The following LNX1 variants were observed in gnomAD, a reference collection of about 807,000 sequenced individuals.
The protein encoded by LNX1 is ligand of numb-protein X 1, also known as E3 ubiquitin-protein ligase LNX.
Under a neutral mutation model 68.4 loss-of-function variants are expected in LNX1, and 54 were observed. The observed-to-expected ratio is 0.79, with a 90% CI of 0.63 to 0.99. The LOEUF is 0.99. LNX1 is among the 50% of genes least tolerant of loss of function. LNX1 has a pLI of 0.00. For synonymous variants in LNX1, 336 were observed against 350.0 expected, an observed-to-expected ratio of 0.96 and a Z score of 0.45; for missense variants, 906 against 926.4, an observed-to-expected ratio of 0.98 and a Z score of 0.29.
chr4:53,490,042 T>C (rs1210503249), intron 6 of LNX1, among the ~76,000 whole-genome samples: 1 of 152,124 alleles, frequency 6.6e-6, no homozygotes, highest in East Asian at 1.9e-4. Flanking sequence ...TGTGGCTCTG[T>C]CTGAAGGTCT....
intron 1 of LNX1, chr4:53,575,443 T>C (rs1389769407): frequency 1.1e-6 from 1 of 917,544 alleles, no homozygotes; most frequent in Non-Finnish European, 1.3e-6. Context: ...AACTCTGAGC[T>C]AGGTCATGAG....
At chr4:53,553,867 C>T (rs1179804062) in intron 2 of LNX1, among the ~76,000 whole-genome samples, 1 of 152,090 alleles carries the variant, frequency 6.6e-6, no homozygotes, top group Non-Finnish European at 1.5e-5. Flanking sequence ...AAGGAAAGGC[C>T]CTGGTATAAA....
intron 2 of LNX1, among the ~76,000 whole-genome samples, chr4:53,568,374 A>C (rs1183854244): frequency 6.6e-6 from 1 of 152,000 alleles, no homozygotes; most frequent in Non-Finnish European, 1.5e-5. Flanking sequence ...TCCAGCATAT[A>C]AACAGAGCCA....
intron 2 of LNX1, chr4:53,603,014 T>C (rs1489444108): frequency 6.6e-6 from 1 of 152,236 alleles, no homozygotes; most frequent in East Asian, 1.9e-4. Flanking sequence ...ATGACCTTTC[T>C]GGGCCTCAGT....
chr4:53,591,360 G>C lies in LNX1; in HGVS notation c.-87+28C>G. 2.0e-6 allele frequency: 2 copies of C among 984,292 alleles called. 1 individual carries two copies. The highest frequency in any genetic ancestry group is 9.4e-5 in the South Asian group (2 of 21,266). 61.0% of individuals were successfully genotyped at this position (984,292 alleles called of 1,614,324 possible). A position where few individuals can be genotyped will look rare whatever the true frequency, so the allele number is the denominator to read the frequency against. Reference sequence around the variant, plus strand: ...CAGGGGCCAGTGGTCTAAATGCCAAGAGAGAAAAATGGAGGGTTTCAACTC... The same window carrying C: ...CAGGGGCCAGTGGTCTAAATGCCAACAGAGAAAAATGGAGGGTTTCAACTC... On this transcript the variant is annotated intron_variant, in intron 1 of 10. Transcript: ENST00000263925.
intron 6 of LNX1, among the ~76,000 whole-genome samples, chr4:53,492,507 G>GAGAGAGAGAGAGAGAGAGAGAGAGAGAA (rs1491485504): frequency 6.4e-5 from 1 of 15,708 alleles, no homozygotes; most frequent in Admixed American, 5.7e-4. Context: ...AGAGGGCTCT[G>GAGAGAGAGAGAGAGAGAGAGAGAGAGAA]AGAGAGAGAG....
chr4:53,581,684 A>G (rs1354517059), intron 1 of LNX1, among the ~76,000 whole-genome samples: 1 of 152,262 alleles, frequency 6.6e-6, no homozygotes, highest in East Asian at 1.9e-4. Context: ...CAAGAATAGC[A>G]TGGGAAAAAC....
rs754872755 is a variant in LNX1, at chr4:53,476,930, C to T, written c.1715G>A (p.Ser572Asn). 3 of 1,614,228 alleles carry T rather than the reference C, an allele frequency of 1.9e-6. No homozygotes were observed. In the South Asian group the frequency reaches 3.3e-5, roughly 18 times the overall value. Residue 572 changes from serine (S) to asparagine (N), a missense_variant, in exon 9 of 11, where the codon AGT becomes AAT. Physicochemically the swap from Ser to Asn is conservative, Grantham distance 46 (BLOSUM62 1). Coordinates refer to ENST00000263925, the MANE Select transcript of LNX1 (RefSeq NM_001126328.3). Reference protein sequence around the residue: ...DGVELTEVSRSEAVALLKRTS... With the variant: ...DGVELTEVSRNEAVALLKRTS... ...TCTTTTCAATAATGCCACTGCCTCA[C>T]TCCGGCTGACCTCTGTCAGTTCGAC...
intron 1 of LNX1, among the ~76,000 whole-genome samples, chr4:53,642,512 C>T (rs1734725637): frequency 6.6e-6 from 1 of 152,116 alleles, no homozygotes; most frequent in Non-Finnish European, 1.5e-5. Flanking sequence ...CAGCTAGGGG[C>T]CCTTCCCACA....
upstream of LNX1, among the ~76,000 whole-genome samples, chr4:53,617,783 C>T (rs1189228604): frequency 6.6e-6 from 1 of 152,142 alleles, no homozygotes; most frequent in Admixed American, 6.6e-5. Flanking sequence ...CTGGGTTTGT[C>T]TTCTCAAGAT....
chr4:53,614,394 A>G (rs2109852008), intron 2 of LNX1, among the ~76,000 whole-genome samples: 1 of 152,280 alleles, frequency 6.6e-6, no homozygotes, highest in African/African-American at 2.4e-5. Context: ...TTCTTCTGGA[A>G]ATGGATATCC....
At chr4:53,572,747 C>G (rs974533752) in intron 2 of LNX1, among the ~76,000 whole-genome samples, 4 of 152,184 alleles carry the variant, frequency 2.6e-5, no homozygotes, top group African/African-American at 9.7e-5. Flanking sequence ...TGTCAGCCAT[C>G]AGCAGCGGCA....
intron 2 of LNX1, among the ~76,000 whole-genome samples, chr4:53,561,033 T>C (rs1730252100): frequency 6.6e-6 from 1 of 152,142 alleles, no homozygotes. Flanking sequence ...TCACTGATTA[T>C]CTCCTATTTT....
chr4:53,518,172 C>T (rs974331715), intron 2 of LNX1, among the ~76,000 whole-genome samples: 2 of 152,272 alleles, frequency 1.3e-5, no homozygotes, highest in South Asian at 2.1e-4. Context: ...CCAGGAGAGG[C>T]GTGATGTGCC....
rs764153655 is a variant in LNX1, at chr4:53,496,281, C to A, written c.1092G>T (p.Arg364Ser). ...TVMREQKFRS[R>S]NNGQAPDAYR... ...AGGCATCCGGGGCCTGTCCATTGTT[C>A]CTGCTGCGGAACTTCTGTTCACGCA... Residue 364 changes from arginine (R) to serine (S), a missense_variant, in exon 6 of 11, where the codon AGG (arginine) becomes AGT (serine). Transcript: ENST00000263925. The A allele has an allele frequency of 6.2e-7, 1 of 1,614,044 alleles. No individual in the cohort carries two copies. The highest frequency in any genetic ancestry group is 8.5e-7 in the Non-Finnish European group (1 of 1,180,028).
At chr4:53,521,976 T>TG (rs1194664746) in intron 2 of LNX1, among the ~76,000 whole-genome samples, 2 of 65,240 alleles carry the variant, frequency 3.1e-5, no homozygotes, top group Non-Finnish European at 8.5e-5. Flanking sequence ...ACTTTTTCAT[T>TG]AATTTTTTTG....
At chr4:53,560,174 A>G (rs1730183640) in intron 2 of LNX1, among the ~76,000 whole-genome samples, 1 of 152,006 alleles carries the variant, frequency 6.6e-6, no homozygotes, top group Admixed American at 6.6e-5. Flanking sequence ...ATAGATCAGA[A>G]CTCTTAAGTA....
intron 8 of LNX1, among the ~76,000 whole-genome samples, 178 bp from the exon 9 acceptor site, chr4:53,477,159 A>G (rs915270924): frequency 1.3e-5 from 2 of 152,190 alleles, no homozygotes; most frequent in Non-Finnish European, 2.9e-5. Context: ...TGTGCATTCC[A>G]AGGTGCTGTT....
At chr4:53,650,087 T>C (rs1298651466) in intron 1 of LNX1, among the ~76,000 whole-genome samples, 2 of 152,110 alleles carry the variant, frequency 1.3e-5, no homozygotes, top group East Asian at 1.9e-4. Flanking sequence ...CCGAGTGGAA[T>C]AGAATGAATG....
Sources: gnomAD v4.1 joint callset for allele counts (sites outside exome capture counted in the v4.1 genomes callset) on GRCh38, gnomAD v4.1.1 for gene constraint, MANE v1.5 for transcripts, NCBI Gene and HGNC (gene_info 2026-07-23, HGNC 2026-07-21) for gene names.